LARGE1: variants seen among roughly 807,000 people sequenced by gnomAD.
LARGE1 encodes the protein LARGE xylosyl- and glucuronyltransferase 1, also known as xylosyl- and glucuronyltransferase LARGE1.
In LARGE1, 43 loss-of-function variants were observed where a neutral mutation model predicts 87.6. That is an observed-to-expected ratio of 0.49 (90% CI 0.38 to 0.63). The LOEUF (loss-of-function observed/expected upper bound fraction) is 0.63, where lower values mean the gene tolerates loss of function less well. Ranked by LOEUF, LARGE1 falls within the 30% of genes least tolerant of loss-of-function variation. The probability of loss-of-function intolerance (pLI) is 0.00; values close to 1 mark genes in which losing one functional copy is unlikely to be tolerated. For missense variants in LARGE1, 802 were observed against 1,000.2 expected (o/e 0.80, Z 2.67); for synonymous variants, 434 against 394.6 (o/e 1.10, Z -1.18).
At chr22:33,547,440 C>T (rs1204958092) in intron 6 of LARGE1, among the ~76,000 whole-genome samples, 2 of 152,180 alleles carry the variant, frequency 1.3e-5, no homozygotes, top group South Asian at 2.1e-4. Context: ...TGGTTCCTAA[C>T]AGGACACAGA....
chr22:33,719,103 A>G (rs2083000506), intron 2 of LARGE1, among the ~76,000 whole-genome samples: 1 of 152,198 alleles, frequency 6.6e-6, no homozygotes, highest in Non-Finnish European at 1.5e-5. Context: ...CTTTGTTTTC[A>G]ACAAAAAAGT....
At chr22:33,620,825 G>A (rs2079726442) in intron 4 of LARGE1, among the ~76,000 whole-genome samples, 1 of 152,212 alleles carries the variant, frequency 6.6e-6, no homozygotes, top group Admixed American at 6.5e-5. Flanking sequence ...GCTGAGGCAG[G>A]AGAATTGCTT....
At chr22:33,424,618 G>C (rs929976135) in intron 7 of LARGE1, among the ~76,000 whole-genome samples, 1 of 151,996 alleles carries the variant, frequency 6.6e-6, no homozygotes, top group Admixed American at 6.6e-5. Context: ...TTGAGCTCAG[G>C]ATTCGAGACC....
chr22:33,865,028 C>T (rs1159630188), intron 1 of LARGE1, among the ~76,000 whole-genome samples: 1 of 152,204 alleles, frequency 6.6e-6, no homozygotes, highest in Non-Finnish European at 1.5e-5. Context: ...GTGTCAGGCC[C>T]AGCCCAGCAG....
intron 6 of LARGE1, among the ~76,000 whole-genome samples, chr22:33,504,352 C>T (rs1002316407): frequency 2.0e-5 from 3 of 152,184 alleles, no homozygotes; most frequent in South Asian, 2.1e-4. Flanking sequence ...CTCCGCCTCC[C>T]GGGTTCAAGC....
At chr22:33,911,244 C>G (rs2065627275) in intron 1 of LARGE1, among the ~76,000 whole-genome samples, 1 of 152,252 alleles carries the variant, frequency 6.6e-6, no homozygotes, top group Non-Finnish European at 1.5e-5. Context: ...CTTGACCTCC[C>G]TTAGGTCTGG....
At chr22:33,279,124 A>G (rs1397868876) in intron 13 of LARGE1, among the ~76,000 whole-genome samples, 1 of 152,234 alleles carries the variant, frequency 6.6e-6, no homozygotes, top group African/African-American at 2.4e-5. Context: ...ACCTAACAAC[A>G]TGAGAGGCAC....
At chr22:33,347,051 G>A (rs1351356025) in intron 9 of LARGE1, among the ~76,000 whole-genome samples, 1 of 152,192 alleles carries the variant, frequency 6.6e-6, no homozygotes, top group Non-Finnish European at 1.5e-5. Context: ...TCTCCTATGA[G>A]CCAGTGTCTG....
intron 9 of LARGE1, among the ~76,000 whole-genome samples, chr22:33,367,793 T>A (rs1442168179): frequency 6.6e-6 from 1 of 152,164 alleles, no homozygotes; most frequent in Non-Finnish European, 1.5e-5. Context: ...ATTTTCAACT[T>A]TTCTTCTTTT....
chr22:33,166,579 T>G (rs1922285232), exon 12 of LARGE1: 1 of 361,036 alleles, frequency 2.8e-6, no homozygotes, highest in South Asian at 2.1e-5. Context: ...TGCCATGTAC[T>G]ACTTCAATCT....
At position 33,525,534 on chromosome 22, in the gene LARGE1, T is replaced by C. The variant is rs143265760; in HGVS notation, c.787+39314A>G. 1.1e-4 allele frequency among the ~76,000 whole-genome samples: 16 copies of C among 152,338 alleles called. No homozygotes were observed. The East Asian group carries it at 2.7e-3, about 26-fold the overall frequency. ...AGTGATATTTGATCTATAATCAAGA[T>C]GCAGGTCCCAGATATGAAAATGTAT... On this transcript the variant is annotated intron_variant, in intron 6 of 14. Coordinates refer to ENST00000397394, the MANE Select transcript of LARGE1 (RefSeq NM_133642.5).
chr22:33,579,617 C>T (rs1022415449), intron 5 of LARGE1, among the ~76,000 whole-genome samples: 3 of 152,134 alleles, frequency 2.0e-5, no homozygotes, highest in Non-Finnish European at 2.9e-5. Context: ...ATTACATGGG[C>T]GCACTACTGG....
intron 12 of LARGE1, among the ~76,000 whole-genome samples, chr22:33,285,942 G>T (rs1031277425): frequency 1.3e-5 from 2 of 152,224 alleles, no homozygotes; most frequent in Non-Finnish European, 2.9e-5. Flanking sequence ...CCAGTAGAGA[G>T]GGGGTGGTTG....
intron 2 of LARGE1, chr22:33,747,771 T>C (rs2084145733): frequency 6.6e-6 from 1 of 152,216 alleles, no homozygotes; most frequent in Non-Finnish European, 1.5e-5. Context: ...AATGAATGAA[T>C]AACCTTGGTG....
chr22:33,645,825 C>T (rs750225470), intron 3 of LARGE1, among the ~76,000 whole-genome samples: 5 of 152,098 alleles, frequency 3.3e-5, no homozygotes, highest in Non-Finnish European at 5.9e-5. Flanking sequence ...ATACGGCCAA[C>T]AAACATATGA....
intron 1 of LARGE1, among the ~76,000 whole-genome samples, chr22:33,813,085 T>C (rs1195471623): frequency 6.6e-6 from 1 of 152,076 alleles, no homozygotes; most frequent in African/African-American, 2.4e-5. Flanking sequence ...CCGGGCGCAG[T>C]GGCTCACCCC....
In LARGE1 at chr22:33,749,096, G is replaced by A. The variant is rs749139476; in HGVS notation, c.106+12275C>T. Among the ~76,000 whole-genome samples, 7 of 152,192 alleles carry A rather than the reference G, an allele frequency of 4.6e-5. No individual in the cohort carries two copies. In the South Asian group the frequency reaches 6.2e-4, roughly 13 times the overall value. ...CAGGTCATTTAGTCTTTATAACAGC[G>A]GTGTAAGCTACAGGTTGTGCTCTCC... On this transcript the variant is annotated intron_variant, in intron 2 of 14. Transcript: ENST00000397394.
chr22:33,913,083 C>T (rs2065684824), intron 1 of LARGE1, among the ~76,000 whole-genome samples: 2 of 152,154 alleles, frequency 1.3e-5, no homozygotes. Context: ...CCCCCCACCT[C>T]GGCCTCCCAA....
At chr22:33,921,658 C>T (rs2065953231), upstream of LARGE1, among the ~76,000 whole-genome samples, 1 of 152,062 alleles carries the variant, frequency 6.6e-6, no homozygotes, top group Non-Finnish European at 1.5e-5. This position sits in a 1 kb window ranked among gnomAD's most constrained non-coding sequence, Gnocchi z 4.1. Context: ...TTTCTTTTTC[C>T]TCCACCCCAA....
Sources: gnomAD v4.1 joint callset for allele counts (sites outside exome capture counted in the v4.1 genomes callset) on GRCh38, gnomAD v4.1.1 for gene constraint, Gnocchi (gnomAD v3.1) non-coding constraint, MANE v1.5 for transcripts, NCBI Gene and HGNC (gene_info 2026-07-23, HGNC 2026-07-21) for gene names.